Variants in WDR27 observed in about 807,000 individuals in gnomAD.
The protein encoded by WDR27 is WD repeat-containing protein 27.
A neutral mutation model predicts 114.4 loss-of-function variants in WDR27; 100 were observed. The ratio of observed to expected loss-of-function variants is 0.87; its 90% confidence interval spans 0.74 to 1.03. The LOEUF (loss-of-function observed/expected upper bound fraction) is 1.03. WDR27 is among the 50% of genes least tolerant of loss of function. WDR27 has a pLI of 0.00. For synonymous variants in WDR27, 449 were observed against 423.1 expected, an observed-to-expected ratio of 1.06 and a Z score of -0.75; for missense variants, 1,129 against 1,092.9, an observed-to-expected ratio of 1.03 and a Z score of -0.47.
At chr6:169,571,151 T>C (rs1376697619) in intron 25 of WDR27, among the ~76,000 whole-genome samples, 2 of 152,182 alleles carry the variant, frequency 1.3e-5, no homozygotes, top group African/African-American at 2.4e-5. Flanking sequence ...TCCAGGTATA[T>C]GCTTATGTCA....
At chr6:169,689,838 C>A (rs985886788) in intron 1 of WDR27, among the ~76,000 whole-genome samples, 1 of 152,246 alleles carries the variant, frequency 6.6e-6, no homozygotes, top group Non-Finnish European at 1.5e-5. Context: ...GTCATGCACG[C>A]TGTAGGTATT....
intron 25 of WDR27, among the ~76,000 whole-genome samples, chr6:169,521,773 G>A (rs868426184): frequency 5.3e-5 from 8 of 151,786 alleles, no homozygotes; most frequent in South Asian, 4.2e-4. Flanking sequence ...AAGCCTCATA[G>A]TAACCACAAT....
chr6:169,462,038 T>A (rs1784971098), intron 25 of WDR27, among the ~76,000 whole-genome samples: 1 of 151,572 alleles, frequency 6.6e-6, no homozygotes, highest in African/African-American at 2.4e-5. Context: ...ATACCCTAGA[T>A]AAAATGTACA....
At chr6:169,698,219 T>C (rs1786780848) in intron 1 of WDR27, among the ~76,000 whole-genome samples, 1 of 152,160 alleles carries the variant, frequency 6.6e-6, no homozygotes, top group Non-Finnish European at 1.5e-5. Flanking sequence ...CCAACACCTC[T>C]GTTCCTCAGT....
intron 2 of WDR27, among the ~76,000 whole-genome samples, chr6:169,679,680 A>G (rs1004291149): frequency 6.6e-6 from 1 of 152,216 alleles, no homozygotes; most frequent in African/African-American, 2.4e-5. Context: ...CCATGACTGT[A>G]AGGTTCCTGC....
chr6:169,435,620 C>A, the WDR27 span, among the ~76,000 whole-genome samples: 1 of 152,244 alleles, frequency 6.6e-6, no homozygotes, highest in African/African-American at 2.4e-5. Context: ...TGCATGGGGC[C>A]TTTAGCCCCT....
In WDR27 at chr6:169,625,609, T is replaced by A. The variant is rs115263161; in HGVS notation, c.2223+7338A>T. On this transcript the variant is annotated intron_variant, in intron 21 of 25. Transcript: ENST00000448612. The stretch of plus-strand genomic sequence containing the variant: ...GTCCTGTGTCTCAGAGTCAGCCCCG[T>A]TCACTGGGCTCACTGTCAGGTGGGT... Among the ~76,000 whole-genome samples the A allele has an allele frequency of 7.5e-3, 1,137 of 152,292 alleles. 11 individuals carry two copies. Among genetic ancestry groups the A allele is most frequent in the African/African-American group, 0.026 (1,086 of 41,580 alleles).
chr6:169,574,662 G>A (rs1801961517), intron 24 of WDR27, among the ~76,000 whole-genome samples: 1 of 152,134 alleles, frequency 6.6e-6, no homozygotes, highest in South Asian at 2.1e-4. Flanking sequence ...CATGGAGAGG[G>A]TGCCAGCTTC....
At chr6:169,502,208 C>T (rs1468080630) in intron 25 of WDR27, among the ~76,000 whole-genome samples, 6 of 152,228 alleles carry the variant, frequency 3.9e-5, no homozygotes. Context: ...ACGCCTGACG[C>T]TCTGGCGGGA....
chr6:169,621,329 T>A (rs544213529), intron 21 of WDR27, among the ~76,000 whole-genome samples: 8 of 62,852 alleles, frequency 1.3e-4, no homozygotes, highest in Admixed American at 7.5e-4. Context: ...TTCACACATA[T>A]ACATACGCAC....
chr6:169,481,531 C>G (rs149555955), intron 25 of WDR27, among the ~76,000 whole-genome samples: 1 of 152,034 alleles, frequency 6.6e-6, no homozygotes, highest in Non-Finnish European at 1.5e-5. Flanking sequence ...GGGTTCGTGG[C>G]GCCTTTATGA....
chr6:169,568,504 A>C (rs1185108737), intron 25 of WDR27, among the ~76,000 whole-genome samples: 1 of 152,194 alleles, frequency 6.6e-6, no homozygotes, highest in Non-Finnish European at 1.5e-5. Context: ...CACTAAGCTC[A>C]GTAGGGACCT....
At chr6:169,511,721 C>CCAACAAAATATTT (rs1792916960) in intron 25 of WDR27, among the ~76,000 whole-genome samples, 1 of 152,104 alleles carries the variant, frequency 6.6e-6, no homozygotes, top group African/African-American at 2.4e-5. Flanking sequence ...CCAACTCTTG[C>CCAACAAAATATTT]TCTAGATAAT....
At chr6:169,477,237 CTTCTT>C (rs1787307018) in intron 25 of WDR27, among the ~76,000 whole-genome samples, 1 of 152,162 alleles carries the variant, frequency 6.6e-6, no homozygotes, top group African/African-American at 2.4e-5. Flanking sequence ...TCAGTTGGCT[CTTCTT>C]TTATTAGGAT....
the WDR27 span, among the ~76,000 whole-genome samples, chr6:169,431,342 G>A: frequency 9.9e-5 from 15 of 152,058 alleles, no homozygotes; most frequent in Non-Finnish European, 1.5e-4. Context: ...GACATTCTTG[G>A]TGTCAGAAGT....
chr6:169,642,015 C>T (rs1819313364), intron 17 of WDR27, among the ~76,000 whole-genome samples: 2 of 152,234 alleles, frequency 1.3e-5, no homozygotes, highest in Admixed American at 6.5e-5. Context: ...AGCAGAAACA[C>T]ATAACTCCTT....
rs192978230 is a variant in WDR27, at chr6:169,629,863, C to G, written c.2223+3084G>C. Among the ~76,000 whole-genome samples the G allele has an allele frequency of 1.4e-3, 204 of 144,304 alleles. 4 individuals are homozygous for G. In the East Asian group the frequency reaches 0.035, roughly 25 times the overall value. The allele number at this position is 144,304 out of a possible 152,430, so 94.7% of individuals were successfully genotyped here. On this transcript the variant is annotated intron_variant, in intron 21 of 25. Transcript: ENST00000448612. ...TATCGCTTGAACCCAGGAGGCGGAG[C>G]TTGCAGTGAGCCGAGATCACGCAAC...
the WDR27 span, among the ~76,000 whole-genome samples, chr6:169,435,995 TA>T: frequency 1.3e-5 from 2 of 152,220 alleles, no homozygotes; most frequent in Non-Finnish European, 2.9e-5. Context: ...TACTCATAAT[TA>T]ATTTTTAAAT....
intron 21 of WDR27, among the ~76,000 whole-genome samples, chr6:169,623,541 G>A (rs769548374): frequency 7.2e-5 from 11 of 152,106 alleles, no homozygotes; most frequent in Non-Finnish European, 8.8e-5. Context: ...CACCGGGCCC[G>A]CAGGCTTCAC....
Sources: allele counts gnomAD v4.1 joint callset (sites outside exome capture counted in the v4.1 genomes callset), GRCh38; gene constraint gnomAD v4.1.1; transcripts MANE v1.5; gene names NCBI Gene and HGNC (gene_info 2026-07-23, HGNC 2026-07-21).